The following PPARGC1A variants were observed in gnomAD, a reference collection of about 807,000 sequenced individuals.
The protein encoded by PPARGC1A is peroxisome proliferator-activated receptor gamma coactivator 1-alpha.
PPARGC1A carries 25 observed loss-of-function variants against 88.7 expected under a neutral mutation model. That is an observed-to-expected ratio of 0.28 (90% CI 0.21 to 0.39). The LOEUF (loss-of-function observed/expected upper bound fraction) is 0.39, where lower values mean the gene tolerates loss of function less well. PPARGC1A is among the 10% of genes least tolerant of loss of function. The probability of loss-of-function intolerance (pLI) is 1.00; values close to 1 mark genes in which losing one functional copy is unlikely to be tolerated. For missense variants in PPARGC1A, 880 were observed against 968.7 expected (o/e 0.91, Z 1.22); for synonymous variants, 363 against 355.6 (o/e 1.02, Z -0.24).
At chr4:24,030,888 C>T in the PPARGC1A span, among the ~76,000 whole-genome samples, 1 of 152,180 alleles carries the variant, frequency 6.6e-6, no homozygotes, top group African/African-American at 2.4e-5. Context: ...TTCCAACAAA[C>T]AGTTGTTTGT....
the PPARGC1A span, among the ~76,000 whole-genome samples, chr4:24,353,384 G>A: frequency 2.4e-5 from 3 of 123,534 alleles, 1 homozygote; most frequent in Non-Finnish European, 5.3e-5. Flanking sequence ...CCCTCTGTGG[G>A]CTTAAAAAAA....
the PPARGC1A span, among the ~76,000 whole-genome samples, chr4:24,201,504 T>C: frequency 6.6e-6 from 1 of 152,252 alleles, no homozygotes; most frequent in Non-Finnish European, 1.5e-5. Flanking sequence ...GAAGAAGCAC[T>C]TCAGCCAAGT....
At chr4:24,203,683 C>A in the PPARGC1A span, among the ~76,000 whole-genome samples, 1 of 152,254 alleles carries the variant, frequency 6.6e-6, no homozygotes, top group Non-Finnish European at 1.5e-5. Context: ...TGCCTGCAGA[C>A]TCGCAGAGGG....
At chr4:24,352,081 C>T in the PPARGC1A span, among the ~76,000 whole-genome samples, 1 of 152,022 alleles carries the variant, frequency 6.6e-6, no homozygotes, top group Admixed American at 6.5e-5. Flanking sequence ...TGTTGCTATT[C>T]CCACTCCAAA....
chr4:24,385,090 G>A, the PPARGC1A span, among the ~76,000 whole-genome samples: 25 of 152,140 alleles, frequency 1.6e-4, no homozygotes, highest in South Asian at 2.1e-3. Flanking sequence ...GAAACTCACC[G>A]AAAACTGCAC....
the PPARGC1A span, among the ~76,000 whole-genome samples, chr4:24,400,270 C>T: frequency 3.0e-3 from 461 of 152,282 alleles, 3 homozygotes; most frequent in Middle Eastern, 0.017. Context: ...CTGGGGAAGG[C>T]AGACCCACCC....
chr4:24,375,105 C>A, the PPARGC1A span, among the ~76,000 whole-genome samples: 1 of 151,708 alleles, frequency 6.6e-6, no homozygotes, highest in African/African-American at 2.4e-5. Context: ...AAATATCCAC[C>A]ATTAAAACTC....
chr4:24,319,220 G>A, the PPARGC1A span, among the ~76,000 whole-genome samples: 1 of 152,112 alleles, frequency 6.6e-6, no homozygotes, highest in Non-Finnish European at 1.5e-5. Context: ...GTGCATGCCT[G>A]TCGTCCCAGC....
At chr4:23,893,922 CA>C (rs765587021), upstream of PPARGC1A, among the ~76,000 whole-genome samples, 27 of 152,162 alleles carry the variant, frequency 1.8e-4, no homozygotes, top group Non-Finnish European at 3.4e-4. Context: ...CTTCATATAC[CA>C]CATCTCAGTC....
the PPARGC1A span, among the ~76,000 whole-genome samples, chr4:24,139,140 T>A: frequency 6.6e-6 from 1 of 151,784 alleles, no homozygotes; most frequent in Non-Finnish European, 1.5e-5. Context: ...TCAGAAACTT[T>A]TTTTTTTTTT....
At chr4:24,177,123 A>G in the PPARGC1A span, among the ~76,000 whole-genome samples, 1 of 152,172 alleles carries the variant, frequency 6.6e-6, no homozygotes, top group African/African-American at 2.4e-5. Flanking sequence ...CTGGGTATAT[A>G]CCCAAAGGAT....
At chr4:24,261,485 C>T in the PPARGC1A span, among the ~76,000 whole-genome samples, 1 of 152,192 alleles carries the variant, frequency 6.6e-6, no homozygotes, top group Non-Finnish European at 1.5e-5. Context: ...TCTATAGGAA[C>T]TCTAGGTCCC....
the PPARGC1A span, among the ~76,000 whole-genome samples, chr4:23,925,158 T>A: frequency 6.6e-6 from 1 of 152,350 alleles, no homozygotes; most frequent in Admixed American, 6.5e-5. Context: ...TCAATTTGAG[T>A]GATCTTTTAC....
chr4:23,987,325 A>G, the PPARGC1A span, among the ~76,000 whole-genome samples: 1 of 152,048 alleles, frequency 6.6e-6, no homozygotes, highest in Non-Finnish European at 1.5e-5. Flanking sequence ...TTCTTTTACT[A>G]CAGATCCAAA....
At chr4:24,442,194 A>G in the PPARGC1A span, among the ~76,000 whole-genome samples, 1 of 152,238 alleles carries the variant, frequency 6.6e-6, no homozygotes, top group Non-Finnish European at 1.5e-5. Flanking sequence ...GCAGATGAGT[A>G]AACTAAATAT....
chr4:24,438,234 C>T, the PPARGC1A span, among the ~76,000 whole-genome samples: 3 of 151,918 alleles, frequency 2.0e-5, no homozygotes, highest in Admixed American at 6.5e-5. Flanking sequence ...TTTCACCTCA[C>T]ACAACAGGAT....
the PPARGC1A span, among the ~76,000 whole-genome samples, chr4:24,303,528 T>C: frequency 6.6e-6 from 1 of 152,242 alleles, no homozygotes; most frequent in East Asian, 1.9e-4. Flanking sequence ...TGTTATGTTA[T>C]CTACTGAGAC....
the PPARGC1A span, among the ~76,000 whole-genome samples, chr4:24,177,176 A>G: frequency 1.3e-5 from 2 of 152,200 alleles, no homozygotes; most frequent in Non-Finnish European, 2.9e-5. Flanking sequence ...ACATATGTTT[A>G]TTGTGGCACT....
the PPARGC1A span, among the ~76,000 whole-genome samples, chr4:24,256,839 T>TGA: frequency 6.6e-6 from 1 of 152,154 alleles, no homozygotes; most frequent in East Asian, 1.9e-4. Context: ...CTCTGGACTC[T>TGA]GAGATGCAGA....
Sources: allele counts gnomAD v4.1 joint callset (sites outside exome capture counted in the v4.1 genomes callset), GRCh38; gene constraint gnomAD v4.1.1; transcripts MANE v1.5; gene names NCBI Gene and HGNC (gene_info 2026-07-23, HGNC 2026-07-21).